The following ACOX3 variants were observed in gnomAD, a reference collection of about 807,000 sequenced individuals.
ACOX3 encodes the protein acyl-CoA oxidase 3, pristanoyl.
In ACOX3, 73 loss-of-function variants were observed where a neutral mutation model predicts 81.5. The observed-to-expected ratio is 0.90, with a 90% CI of 0.74 to 1.09. ACOX3 has a LOEUF of 1.09. Ranked by LOEUF, ACOX3 falls within the 50% of genes least tolerant of loss-of-function variation. The pLI is 0.00. For synonymous variants in ACOX3, 387 were observed against 375.1 expected, an observed-to-expected ratio of 1.03 and a Z score of -0.37; for missense variants, 947 against 928.0, an observed-to-expected ratio of 1.02 and a Z score of -0.27.
Position 8,375,106 on chromosome 4 carries a change from A to G in ACOX3, c.1700T>C (p.Val567Ala). ...CACGTGCTCGTGGAACCTCTGGACC[A>G]CCGTGAGCTCCACGAAGGCCAGCGC... ...PLALAFVELT[V>A]VQRFHEHVHQ... Residue 567 changes from valine to alanine, a missense_variant, in exon 15 of 18, where the codon GTG becomes GCG. By Grantham distance (64) the Val-to-Ala change is moderately conservative. Transcript: ENST00000356406. 6.4e-7 allele frequency: 1 copy of G among 1,554,670 alleles called. No homozygotes were observed. Among genetic ancestry groups the G allele is most frequent in the Non-Finnish European group, 8.7e-7 (1 of 1,148,998 alleles).
intron 6 of ACOX3, among the ~76,000 whole-genome samples, chr4:8,409,430 C>T (rs1243179557): frequency 2.2e-5 from 3 of 133,482 alleles, no homozygotes; most frequent in African/African-American, 8.1e-5. Flanking sequence ...CCTATGCACC[C>T]TGGAAGGGGC....
rs573284684 is a variant in ACOX3 at position 8,374,726 on chromosome 4, G to A, written c.1828+252C>T. Reference sequence around the variant, plus strand: ...CCCGGCAGGCTGCCTGGCATGAGGGGGCCTTCTGGAAGTGTTCTCTGAACC... The same window carrying A: ...CCCGGCAGGCTGCCTGGCATGAGGGAGCCTTCTGGAAGTGTTCTCTGAACC... On this transcript the variant is annotated intron_variant, in intron 15 of 17. Coordinates refer to ENST00000356406, the MANE Select transcript of ACOX3 (RefSeq NM_003501.3). 5 of 389,506 alleles carry A rather than the reference G, an allele frequency of 1.3e-5. No homozygotes were observed. The East Asian group carries it at 1.5e-4, about 12-fold the overall frequency. 24.1% of individuals were successfully genotyped at this position (389,506 alleles called of 1,614,324 possible). A position where few individuals can be genotyped will look rare whatever the true frequency, so the allele number is the denominator to read the frequency against.
intron 7 of ACOX3, among the ~76,000 whole-genome samples, chr4:8,403,475 G>C (rs746277689): frequency 1.4e-4 from 22 of 152,168 alleles, no homozygotes; most frequent in Non-Finnish European, 2.4e-4. Context: ...GGCCTTCAAA[G>C]GCTCAGGGAT....
intron 16 of ACOX3, among the ~76,000 whole-genome samples, chr4:8,373,293 C>T (rs190078960): frequency 1.6e-4 from 24 of 151,314 alleles, no homozygotes; most frequent in Non-Finnish European, 2.9e-4. Flanking sequence ...ACTGAACACA[C>T]GTGAATGTTT....
rs991935471 is a variant in ACOX3, at chr4:8,423,049, T to TGG, written c.-14-6516_-14-6515dup. Among the ~76,000 whole-genome samples the TGG allele has an allele frequency of 1.3e-5, 2 of 152,104 alleles. No individual in the cohort carries two copies. The highest frequency in any genetic ancestry group is 1.3e-4 in the Admixed American group (2 of 15,276). Reference sequence around the variant, plus strand: ...CCATGCCCCAGGTATGCTTGACCATTGGGGGCCAGAAGGTTAACTGTCTCC... The same window carrying TGG: ...CCATGCCCCAGGTATGCTTGACCATTGGGGGGGCCAGAAGGTTAACTGTCTCC... On this transcript the variant is annotated intron_variant, in intron 1 of 17. Transcript: ENST00000356406. The surrounding 1 kb of genome is among the most constrained non-coding windows in gnomAD (Gnocchi z 4.2).
chr4:8,407,632 T>C lies in ACOX3; in HGVS notation c.688-1589A>G, dbSNP rs1397653833. On this transcript the variant is annotated intron_variant, in intron 6 of 17. Transcript: ENST00000356406. This position sits in a 1 kb window ranked among gnomAD's most constrained non-coding sequence, Gnocchi z 4.6. ...TGCCGGGAGGACGTCGGGAATTTCATATTCACGTTTTAGACACAGGACTCC... is the reference window on the plus strand; with the variant it reads ...TGCCGGGAGGACGTCGGGAATTTCACATTCACGTTTTAGACACAGGACTCC... 6.6e-6 allele frequency among the ~76,000 whole-genome samples: 1 copy of C among 152,202 alleles called. No individual in the cohort carries two copies. The highest frequency in any genetic ancestry group is 2.4e-5 in the African/African-American group (1 of 41,448).
rs1716963197 is a variant in ACOX3 at position 8,376,361 on chromosome 4, A to AT, written c.1654-1210dup. On this transcript the variant is annotated intron_variant, in intron 14 of 17. Coordinates refer to ENST00000356406, the MANE Select transcript of ACOX3 (RefSeq NM_003501.3). ...TACTTTTAAAATTAAAAAAAAAAAAATCCAGCCAAGTGATGAAATATGGTG... is the reference window on the plus strand; with the variant it reads ...TACTTTTAAAATTAAAAAAAAAAAAATTCCAGCCAAGTGATGAAATATGGTG... Among the ~76,000 whole-genome samples, 15 of 151,514 alleles carry AT rather than the reference A, an allele frequency of 9.9e-5. No individual in the cohort carries two copies. The South Asian group carries it at 3.1e-3, about 32-fold the overall frequency.
At chr4:8,417,592 C>A (rs1722481421) in intron 1 of ACOX3, among the ~76,000 whole-genome samples, 1 of 152,346 alleles carries the variant, frequency 6.6e-6, no homozygotes, top group African/African-American at 2.4e-5. Context: ...CAATGTCTAA[C>A]CTCAGAGTCA....
In ACOX3 at chr4:8,381,412, T is replaced by C; in HGVS notation, c.1653+80A>G. The C allele has an allele frequency of 1.5e-6, 2 of 1,318,646 alleles. No homozygotes were observed. Among genetic ancestry groups the C allele is most frequent in the Non-Finnish European group, 2.1e-6 (2 of 933,632 alleles). The allele number at this position is 1,318,646 out of a possible 1,614,324, so 81.7% of individuals were successfully genotyped here. A position where few individuals can be genotyped will look rare whatever the true frequency, so the allele number is the denominator to read the frequency against. On this transcript the variant is annotated intron_variant, in intron 14 of 17. Transcript: ENST00000356406. The surrounding 1 kb of genome is among the most constrained non-coding windows in gnomAD (Gnocchi z 4.3). ...GGGTCTGGGGCCTGAATTGCCAGGA[T>C]GTTCAAACTCCCAGGGACACAACGG... is the stretch of plus-strand genomic sequence containing the variant.
intron 1 of ACOX3, chr4:8,428,430 T>G (rs1723723423): frequency 6.6e-6 from 1 of 152,536 alleles, no homozygotes; most frequent in Admixed American, 6.5e-5. Flanking sequence ...AGCGCAGCTG[T>G]CTCTGGCCTG....
In ACOX3 at chr4:8,423,813, C is replaced by T. The variant is rs1328868120; in HGVS notation, c.-14-7278G>A. Among the ~76,000 whole-genome samples the T allele has an allele frequency of 6.6e-6, 1 of 152,256 alleles. No individual in the cohort carries two copies. Among genetic ancestry groups the T allele is most frequent in the Non-Finnish European group, 1.5e-5 (1 of 68,044 alleles). ...ATCCTTTGAATCTAATGTCTCAACA[C>T]ACCTGGACTGTTTTACCCCAAGGGT... On this transcript the variant is annotated intron_variant, in intron 1 of 17. Transcript: ENST00000356406. The surrounding 1 kb of genome is among the most constrained non-coding windows in gnomAD (Gnocchi z 4.2).
In ACOX3 at chr4:8,389,839, T is replaced by TTG; in HGVS notation, c.1301-106_1301-105insCA. The TTG allele has an allele frequency of 6.8e-7, 1 of 1,475,480 alleles. No individual in the cohort carries two copies. The allele number at this position is 1,475,480 out of a possible 1,614,324, so 91.4% of individuals were successfully genotyped here. A position where few individuals can be genotyped will look rare whatever the true frequency, so the allele number is the denominator to read the frequency against. On this transcript the variant is annotated intron_variant, in intron 11 of 17. Transcript: ENST00000356406. This position sits in a 1 kb window ranked among gnomAD's most constrained non-coding sequence, Gnocchi z 5.3. ...GCCTTAAGAGGCTGGGTGCGGTGGC[T>TTG]CACACCTGTAATGGCAGCACTTTGG...
chr4:8,433,174 A>C (rs149234966), intron 1 of ACOX3, among the ~76,000 whole-genome samples: 59 of 152,364 alleles, frequency 3.9e-4, no homozygotes, highest in Non-Finnish European at 7.1e-4. Flanking sequence ...CCCCAAAGGG[A>C]AACAGTCTGA....
At chr4:8,436,703 C>T (rs1724255754) in intron 1 of ACOX3, among the ~76,000 whole-genome samples, 1 of 151,884 alleles carries the variant, frequency 6.6e-6, no homozygotes, top group African/African-American at 2.4e-5. Context: ...CCTATTTAAC[C>T]CTGAGGCTGG....
chr4:8,378,874 A>G (rs1286825267), intron 14 of ACOX3, among the ~76,000 whole-genome samples: 8 of 152,156 alleles, frequency 5.3e-5, no homozygotes, highest in African/African-American at 1.9e-4. Flanking sequence ...AATGGTCAGT[A>G]ACCTTCCCAA....
chr4:8,397,706 C>T (rs1027779922), intron 8 of ACOX3, among the ~76,000 whole-genome samples: 1 of 152,218 alleles, frequency 6.6e-6, no homozygotes, highest in Non-Finnish European at 1.5e-5. Context: ...AATCTACAGC[C>T]CTTGCCACGT....
At chr4:8,395,578 T>C (rs1451077416) in intron 9 of ACOX3, among the ~76,000 whole-genome samples, 1 of 152,236 alleles carries the variant, frequency 6.6e-6, no homozygotes, top group Non-Finnish European at 1.5e-5. Context: ...AGAAGTTTTA[T>C]CATCAGTTCT....
chr4:8,380,274 C>T (rs1322853357), intron 14 of ACOX3, among the ~76,000 whole-genome samples: 1 of 150,634 alleles, frequency 6.6e-6, no homozygotes, highest in Non-Finnish European at 1.5e-5. Context: ...TCTGCAACCT[C>T]CACCTTCCAG....
intron 14 of ACOX3, among the ~76,000 whole-genome samples, chr4:8,380,901 G>A (rs1357388244): frequency 6.6e-6 from 1 of 152,202 alleles, no homozygotes; most frequent in Non-Finnish European, 1.5e-5. Context: ...CAGGGTGGGG[G>A]CTGGGCTCTG....
Sources: gnomAD v4.1 joint callset for allele counts (sites outside exome capture counted in the v4.1 genomes callset) on GRCh38, gnomAD v4.1.1 for gene constraint, Gnocchi (gnomAD v3.1) non-coding constraint, MANE v1.5 for transcripts, NCBI Gene and HGNC (gene_info 2026-07-23, HGNC 2026-07-21) for gene names.